ABCA9: variants seen among roughly 807,000 people sequenced by gnomAD.
The protein encoded by ABCA9 is ATP-binding cassette sub-family A member 9.
Under a neutral mutation model 205.3 loss-of-function variants are expected in ABCA9, and 183 were observed. The ratio of observed to expected loss-of-function variants is 0.89; its 90% CI spans 0.79 to 1.01. ABCA9 has a LOEUF of 1.01. ABCA9 is among the 50% of genes least tolerant of loss of function. The pLI, the probability that ABCA9 is intolerant of heterozygous loss-of-function variation, is 0.00. For missense variants in ABCA9, 1,805 were observed against 1,912.4 expected, an observed-to-expected ratio of 0.94 and a Z score of 1.05; for synonymous variants, 651 against 683.3, an observed-to-expected ratio of 0.95 and a Z score of 0.74.
At chr17:69,033,303 CAAA>C (rs374917872) in intron 9 of ABCA9, 35 of 86,844 alleles carry the variant, frequency 4.0e-4, no homozygotes, top group South Asian at 5.3e-4. Flanking sequence ...CGAGACTTCT[CAAA>C]AAAAAAAAAA....
the ABCA9 span, among the ~76,000 whole-genome samples, chr17:69,066,162 C>T: frequency 1.3e-5 from 2 of 152,160 alleles, no homozygotes; most frequent in African/African-American, 2.4e-5. Flanking sequence ...CCCCACAGCA[C>T]GCTGTGGTTA....
intron 22 of ABCA9, among the ~76,000 whole-genome samples, chr17:69,014,239 G>GA (rs1273124367): frequency 6.6e-6 from 1 of 152,030 alleles, no homozygotes; most frequent in Non-Finnish European, 1.5e-5. Flanking sequence ...ACTACAAGTG[G>GA]AAAATTCCAT....
At chr17:69,009,585 T>C (rs2070294050) in intron 23 of ABCA9, among the ~76,000 whole-genome samples, 1 of 152,098 alleles carries the variant, frequency 6.6e-6, no homozygotes, top group Non-Finnish European at 1.5e-5. Flanking sequence ...CGAGAAACCA[T>C]TGAAGAGATT....
intron 6 of ABCA9, among the ~76,000 whole-genome samples, chr17:69,039,425 T>C (rs1488670753): frequency 1.3e-5 from 2 of 152,118 alleles, no homozygotes; most frequent in Admixed American, 1.3e-4. Flanking sequence ...ATCTGATCTT[T>C]GACAAACGTG....
chr17:69,051,232 G>GT, intron 1 of ABCA9, 93 bp from the exon 2 acceptor site: 1 of 1,098,302 alleles, frequency 9.1e-7, no homozygotes, highest in Non-Finnish European at 1.3e-6. Flanking sequence ...TGTAACAGCT[G>GT]TTTCCAGTTG....
chr17:69,049,789 T>C (rs1227496141), intron 2 of ABCA9, among the ~76,000 whole-genome samples: 1 of 152,174 alleles, frequency 6.6e-6, no homozygotes, highest in Admixed American at 6.6e-5. Flanking sequence ...CCCAACAGTT[T>C]AGTCATGTTA....
At chr17:69,077,227 CA>C in the ABCA9 span, among the ~76,000 whole-genome samples, 1 of 152,012 alleles carries the variant, frequency 6.6e-6, no homozygotes, top group Admixed American at 6.6e-5. Context: ...TCATTTATTT[CA>C]AAAAATTTTT....
chr17:69,071,590 T>C, the ABCA9 span, among the ~76,000 whole-genome samples: 18 of 151,886 alleles, frequency 1.2e-4, no homozygotes, highest in Admixed American at 4.6e-4. Flanking sequence ...CATCCAAAGG[T>C]CACCAACAGC....
At chr17:68,987,736 GTTTT>G (rs1426405231) in intron 31 of ABCA9, among the ~76,000 whole-genome samples, 1 of 144,154 alleles carries the variant, frequency 6.9e-6, no homozygotes, top group Non-Finnish European at 1.5e-5. Context: ...CCTCATTTGC[GTTTT>G]TTTTTGTTTG....
At chr17:69,047,011 G>C (rs1451872207) in intron 3 of ABCA9, among the ~76,000 whole-genome samples, 6 of 150,058 alleles carry the variant, frequency 4.0e-5, no homozygotes, top group Non-Finnish European at 5.9e-5. Context: ...ACTGAGGCTG[G>C]AGTGCAGTGG....
At chr17:69,061,083 T>TTGC (rs1258709879), upstream of ABCA9, 1 of 985,354 alleles carries the variant, frequency 1.0e-6, no homozygotes, top group African/African-American at 1.7e-5. Flanking sequence ...GGTGATTTCT[T>TTGC]TGCTGTTTTC....
intron 32 of ABCA9, 60 bp downstream of exon 32, chr17:68,986,104 T>C: frequency 6.7e-7 from 1 of 1,492,532 alleles, no homozygotes; most frequent in Non-Finnish European, 9.0e-7. Flanking sequence ...TCATTTTGTG[T>C]GTATGTTATT....
At chr17:68,996,714 T>G (rs2069638459) in intron 25 of ABCA9, among the ~76,000 whole-genome samples, 1 of 152,238 alleles carries the variant, frequency 6.6e-6, no homozygotes, top group Non-Finnish European at 1.5e-5. Context: ...ATTGCTGATA[T>G]TAAGTAAATA....
At chr17:69,005,199 T>TATCA (rs2070082759) in intron 25 of ABCA9, among the ~76,000 whole-genome samples, 1 of 152,228 alleles carries the variant, frequency 6.6e-6, no homozygotes. Context: ...CCTTGCTTTC[T>TATCA]ATCAGTACCT....
At chr17:69,063,609 GTTTT>G (rs67440349), upstream of ABCA9, among the ~76,000 whole-genome samples, 1 of 144,514 alleles carries the variant, frequency 6.9e-6, no homozygotes, top group Non-Finnish European at 1.5e-5. Context: ...TTTTGTGTTT[GTTTT>G]TTTTTGTGTG....
At chr17:69,040,949 A>G (rs2144431712) in intron 6 of ABCA9, among the ~76,000 whole-genome samples, 1 of 152,290 alleles carries the variant, frequency 6.6e-6, no homozygotes, top group East Asian at 1.9e-4. Flanking sequence ...CTTTCTAATC[A>G]CAGATCTGAG....
chr17:69,072,821 A>C, the ABCA9 span, among the ~76,000 whole-genome samples: 124,027 of 152,116 alleles, frequency 0.82, 52,810 homozygotes, highest in Non-Finnish European at 0.94. Context: ...GATGAAGAGT[A>C]AAGACTTATC....
chr17:68,986,527 G>C (rs1007536743), intron 31 of ABCA9: 1 of 440,354 alleles, frequency 2.3e-6, no homozygotes, highest in African/African-American at 2.0e-5. Context: ...ATCCATTGTA[G>C]TGTAGACTTT....
At chr17:68,983,920 G>A in intron 35 of ABCA9, 71 bp from the exon 36 acceptor site, 8 of 1,606,950 alleles carry the variant, frequency 5.0e-6, no homozygotes, top group Non-Finnish European at 6.0e-6. Flanking sequence ...TTCAGCCTCT[G>A]GAGGCCAGAG....
Sources: gnomAD v4.1 joint callset for allele counts (sites outside exome capture counted in the v4.1 genomes callset) on GRCh38, gnomAD v4.1.1 for gene constraint, MANE v1.5 for transcripts, NCBI Gene and HGNC (gene_info 2026-07-23, HGNC 2026-07-21) for gene names.